Variants in HPSE2 observed in about 807,000 individuals in gnomAD.
HPSE2 encodes heparanase 2 (inactive).
Under a neutral mutation model 60.5 loss-of-function variants are expected in HPSE2, and 38 were observed. That is an observed-to-expected ratio of 0.63 (90% CI 0.48 to 0.82). The LOEUF (loss-of-function observed/expected upper bound fraction) is 0.82. Among genes scored for constraint, HPSE2 ranks in the 40% least tolerant of loss-of-function variants. The pLI is 0.00. For synonymous variants in HPSE2, 295 were observed against 293.2 expected, an observed-to-expected ratio of 1.01 and a Z score of -0.06; for missense variants, 713 against 740.4, an observed-to-expected ratio of 0.96 and a Z score of 0.43.
chr10:98,994,901 G>C (rs543236319), intron 3 of HPSE2, among the ~76,000 whole-genome samples: 29 of 152,322 alleles, frequency 1.9e-4, no homozygotes, highest in African/African-American at 6.7e-4. Flanking sequence ...GTCAAGCCAA[G>C]GGTAGGGTGC....
rs76109857 is a variant in HPSE2 at position 99,095,263 on chromosome 10, A to T, written c.610+48975T>A. Among the ~76,000 whole-genome samples the T allele has an allele frequency of 3.0e-3, 454 of 152,252 alleles. 1 individual carries two copies. Among genetic ancestry groups the T allele is most frequent in the African/African-American group, 0.01 (435 of 41,568 alleles). ...CATAGATATTCACAACTATCATTGCATATTGTATCTATTAGTATTCAGCAT... is the reference window on the plus strand; with the variant it reads ...CATAGATATTCACAACTATCATTGCTTATTGTATCTATTAGTATTCAGCAT... On this transcript the variant is annotated intron_variant, in intron 3 of 11. Transcript: ENST00000370552.
chr10:98,790,609 T>G (rs1277863649), intron 3 of HPSE2, among the ~76,000 whole-genome samples: 2 of 152,158 alleles, frequency 1.3e-5, no homozygotes, highest in African/African-American at 2.4e-5. Context: ...AATGTGTATT[T>G]CAAAATCGCT....
chr10:98,459,757 A>T lies in HPSE2; in HGVS notation c.1614-18T>A. ...GCACTGACCTACAGTGAGGAAAAAC[A>T]GTATGGGACTCATTATTGCATTATA... On this transcript the variant is annotated intron_variant, in intron 11 of 11. Coordinates refer to ENST00000370552, the MANE Select transcript of HPSE2 (RefSeq NM_021828.5). 2 of 1,608,968 alleles carry T rather than the reference A, an allele frequency of 1.2e-6. No individual in the cohort carries two copies. Among genetic ancestry groups the T allele is most frequent in the African/African-American group, 1.3e-5 (1 of 74,990 alleles).
the HPSE2 span, among the ~76,000 whole-genome samples, chr10:99,247,854 G>GT: frequency 6.6e-6 from 1 of 152,112 alleles, no homozygotes; most frequent in East Asian, 1.9e-4. Context: ...AGATTGGGTT[G>GT]TTTAAGTGTG....
At chr10:98,522,468 T>C (rs1305821074) in intron 9 of HPSE2, among the ~76,000 whole-genome samples, 2 of 151,988 alleles carry the variant, frequency 1.3e-5, no homozygotes, top group African/African-American at 4.8e-5. Context: ...CAGCAAATCT[T>C]TTTTTTGTTT....
At chr10:98,470,326 G>A (rs1448967449) in intron 11 of HPSE2, among the ~76,000 whole-genome samples, 1 of 152,182 alleles carries the variant, frequency 6.6e-6, no homozygotes, top group East Asian at 1.9e-4. Context: ...ATATCCAAGT[G>A]CAAAGTGTGG....
intron 6 of HPSE2, among the ~76,000 whole-genome samples, chr10:98,659,642 T>TTGTTCAAA (rs1947171483): frequency 6.6e-6 from 1 of 152,242 alleles, no homozygotes; most frequent in Non-Finnish European, 1.5e-5. Flanking sequence ...CATATATTTG[T>TTGTTCAAA]TTGAATGCCT....
intron 3 of HPSE2, among the ~76,000 whole-genome samples, chr10:98,940,144 T>G (rs557194262): frequency 7.0e-6 from 1 of 142,812 alleles, no homozygotes. Context: ...AGATCCAAAA[T>G]TGACACCCTA....
intron 3 of HPSE2, among the ~76,000 whole-genome samples, chr10:99,120,719 G>A (rs1008065206): frequency 5.3e-5 from 8 of 152,124 alleles, no homozygotes; most frequent in African/African-American, 1.7e-4. Flanking sequence ...TGATCCACCT[G>A]CCTCAGCCTC....
intron 1 of HPSE2, among the ~76,000 whole-genome samples, chr10:99,233,078 T>G (rs1345223230): frequency 6.6e-6 from 1 of 152,244 alleles, no homozygotes; most frequent in Non-Finnish European, 1.5e-5. Flanking sequence ...TTCTTTCTTT[T>G]AATGTCCGAG....
At chr10:98,566,877 A>G (rs1944361656) in intron 9 of HPSE2, among the ~76,000 whole-genome samples, 1 of 152,214 alleles carries the variant, frequency 6.6e-6, no homozygotes, top group East Asian at 1.9e-4. Flanking sequence ...AAAATGGGTG[A>G]GAATTATAGA....
intron 8 of HPSE2, among the ~76,000 whole-genome samples, chr10:98,615,772 T>C (rs1945889572): frequency 6.6e-6 from 1 of 152,236 alleles, no homozygotes; most frequent in African/African-American, 2.4e-5. Flanking sequence ...TGCATTCATT[T>C]GGGCTTCTCT....
chr10:99,096,851 T>C (rs75423445), intron 3 of HPSE2, among the ~76,000 whole-genome samples: 35 of 152,138 alleles, frequency 2.3e-4, no homozygotes, highest in East Asian at 1.7e-3. Flanking sequence ...GGGGAATCCA[T>C]AGAAAAGGGC....
At chr10:98,619,597 A>G (rs1192185714) in intron 8 of HPSE2, among the ~76,000 whole-genome samples, 1 of 152,072 alleles carries the variant, frequency 6.6e-6, no homozygotes, top group Non-Finnish European at 1.5e-5. Flanking sequence ...TTTGGTGGTA[A>G]ACCCTTTCCT....
chr10:99,060,962 G>A (rs1291254196), intron 3 of HPSE2, among the ~76,000 whole-genome samples: 1 of 151,928 alleles, frequency 6.6e-6, no homozygotes, highest in Non-Finnish European at 1.5e-5. Context: ...AGTTGTTGGG[G>A]GTAAGAGAGT....
chr10:99,001,521 A>G (rs1956776423), intron 3 of HPSE2, among the ~76,000 whole-genome samples: 1 of 152,136 alleles, frequency 6.6e-6, no homozygotes, highest in Non-Finnish European at 1.5e-5. Context: ...CCATGATTAC[A>G]TAAATTACTT....
At chr10:98,600,525 G>C (rs1477803897) in intron 9 of HPSE2, among the ~76,000 whole-genome samples, 1 of 151,956 alleles carries the variant, frequency 6.6e-6, no homozygotes, top group Non-Finnish European at 1.5e-5. Context: ...GAGGAGTATA[G>C]AGATTACCAA....
intron 6 of HPSE2, among the ~76,000 whole-genome samples, chr10:98,658,665 T>C (rs1947142417): frequency 6.6e-6 from 1 of 152,114 alleles, no homozygotes; most frequent in African/African-American, 2.4e-5. Context: ...GTTTTCCCTT[T>C]CACACAATAC....
At chr10:98,539,977 C>T (rs551132665) in intron 9 of HPSE2, among the ~76,000 whole-genome samples, 1 of 152,286 alleles carries the variant, frequency 6.6e-6, no homozygotes, top group Admixed American at 6.5e-5. Flanking sequence ...AGTAGGGAAC[C>T]GGGATTTCAG....
Sources: allele counts gnomAD v4.1 joint callset (sites outside exome capture counted in the v4.1 genomes callset), GRCh38; gene constraint gnomAD v4.1.1; transcripts MANE v1.5; gene names NCBI Gene and HGNC (gene_info 2026-07-23, HGNC 2026-07-21).